The following EFCAB7 variants were observed in gnomAD, a reference collection of about 807,000 sequenced individuals.
EFCAB7 encodes EF-hand calcium binding domain 7, also known as EF-hand calcium-binding domain-containing protein 7.
In EFCAB7, 66 loss-of-function variants were observed where a neutral mutation model predicts 77.1. That is an observed-to-expected ratio of 0.86 (90% CI 0.70 to 1.05). EFCAB7 has a LOEUF of 1.05. Ranked by LOEUF, EFCAB7 falls within the 50% of genes least tolerant of loss-of-function variation. The probability of loss-of-function intolerance (pLI) is 0.00; values close to 1 mark genes in which losing one functional copy is unlikely to be tolerated. For missense variants in EFCAB7, 638 were observed against 730.5 expected (o/e 0.87, Z 1.46); for synonymous variants, 225 against 243.3 (o/e 0.92, Z 0.70).
At chr1:63,575,565 G>T (rs1470345550), downstream of EFCAB7, among the ~76,000 whole-genome samples, 2 of 152,026 alleles carry the variant, frequency 1.3e-5, no homozygotes, top group African/African-American at 2.4e-5. Flanking sequence ...GGACACTATG[G>T]CTATATGCAT....
chr1:63,568,238 A>T, intron 11 of EFCAB7, 72 bp from the exon 12 acceptor site: 2 of 1,311,482 alleles, frequency 1.5e-6, no homozygotes, highest in Non-Finnish European at 2.1e-6. Flanking sequence ...ATATCTTCTT[A>T]TATGGTAACA....
At chr1:63,584,352 C>G in the EFCAB7 span, among the ~76,000 whole-genome samples, 7 of 152,050 alleles carry the variant, frequency 4.6e-5, no homozygotes, top group African/African-American at 1.7e-4. Context: ...GACAGGAGTT[C>G]AAGATCAGCC....
the EFCAB7 span, among the ~76,000 whole-genome samples, chr1:63,578,853 TATAC>T: frequency 5.3e-5 from 8 of 152,304 alleles, no homozygotes; most frequent in South Asian, 1.7e-3. Flanking sequence ...CTGCCCTCAT[TATAC>T]ATAGTCTATC....
intron 5 of EFCAB7, 90 bp downstream of exon 5, chr1:63,533,739 T>G: frequency 2.0e-6 from 2 of 980,120 alleles, no homozygotes; most frequent in Non-Finnish European, 2.9e-6. Flanking sequence ...TTATCAGTGA[T>G]AAAACAAATG....
At chr1:63,581,578 T>A in the EFCAB7 span, among the ~76,000 whole-genome samples, 1 of 152,186 alleles carries the variant, frequency 6.6e-6, no homozygotes, top group African/African-American at 2.4e-5. Flanking sequence ...CACTTAATTG[T>A]GATATGTTAT....
chr1:63,524,997 A>T (rs1481858850), intron 1 of EFCAB7, among the ~76,000 whole-genome samples: 1 of 152,198 alleles, frequency 6.6e-6, no homozygotes, highest in African/African-American at 2.4e-5. Flanking sequence ...TGCATTATTG[A>T]GATGTTAATG....
intron 6 of EFCAB7, among the ~76,000 whole-genome samples, chr1:63,537,200 A>C (rs892510568): frequency 6.6e-6 from 1 of 152,214 alleles, no homozygotes; most frequent in African/African-American, 2.4e-5. Flanking sequence ...GTGATGGTCA[A>C]GGAATGTCAG....
chr1:63,572,923 G>A (rs1209905109), downstream of EFCAB7, among the ~76,000 whole-genome samples: 1 of 152,040 alleles, frequency 6.6e-6, no homozygotes, highest in Non-Finnish European at 1.5e-5. Context: ...CAGTGGGGGA[G>A]CTTTTGAGCC....
At chr1:63,577,655 A>T (rs1647462468), downstream of EFCAB7, among the ~76,000 whole-genome samples, 1 of 152,264 alleles carries the variant, frequency 6.6e-6, no homozygotes, top group Admixed American at 6.5e-5. Context: ...TGTATCTATT[A>T]CATATTAATT....
intron 2 of EFCAB7, among the ~76,000 whole-genome samples, chr1:63,527,001 G>A (rs1646603512): frequency 6.6e-6 from 1 of 152,236 alleles, no homozygotes; most frequent in Non-Finnish European, 1.5e-5. Context: ...CTGACCTCAG[G>A]TGATCTGCCT....
chr1:63,577,948 T>A, the EFCAB7 span, among the ~76,000 whole-genome samples: 1 of 152,170 alleles, frequency 6.6e-6, no homozygotes. Flanking sequence ...TCATGTAATA[T>A]AATGTATTTT....
intron 10 of EFCAB7, 56 bp from the exon 11 acceptor site, chr1:63,561,653 A>G: frequency 8.7e-7 from 1 of 1,146,198 alleles, no homozygotes; most frequent in African/African-American, 1.6e-5. Context: ...TAGACATTTT[A>G]TTAAAGTTAT....
intron 11 of EFCAB7, among the ~76,000 whole-genome samples, chr1:63,562,675 CTT>C (rs1208989157): frequency 3.6e-5 from 5 of 137,872 alleles, no homozygotes; most frequent in Non-Finnish European, 3.2e-5. Context: ...AATTTTTTAA[CTT>C]TTTTTTTTTT....
At chr1:63,567,641 C>G (rs1432944988) in intron 11 of EFCAB7, among the ~76,000 whole-genome samples, 1 of 151,878 alleles carries the variant, frequency 6.6e-6, no homozygotes, top group Non-Finnish European at 1.5e-5. Flanking sequence ...GATAATCTTC[C>G]CAGTGGAGAG....
intron 4 of EFCAB7, 87 bp downstream of exon 4, chr1:63,532,843 C>A: frequency 9.7e-7 from 1 of 1,027,414 alleles, no homozygotes; most frequent in Non-Finnish European, 1.5e-6. Context: ...GTATAATTGA[C>A]ATTACAGTGT....
At chr1:63,531,726 A>C (rs1226928993) in intron 2 of EFCAB7, 94 bp from the exon 3 acceptor site, 7 of 1,042,240 alleles carry the variant, frequency 6.7e-6, no homozygotes, top group African/African-American at 1.6e-5. Context: ...GTGTTTTGTA[A>C]ATATCATAAT....
At chr1:63,541,236 A>G (rs1646825312) in intron 6 of EFCAB7, among the ~76,000 whole-genome samples, 1 of 152,166 alleles carries the variant, frequency 6.6e-6, no homozygotes, top group Non-Finnish European at 1.5e-5. Context: ...TGCTTTATGT[A>G]CCCACACCTT....
chr1:63,576,956 G>A (rs1247472929), downstream of EFCAB7, among the ~76,000 whole-genome samples: 1 of 152,012 alleles, frequency 6.6e-6, no homozygotes, highest in Non-Finnish European at 1.5e-5. Context: ...GAACCAGCCT[G>A]GCCAATATGG....
chr1:63,582,509 C>A, the EFCAB7 span, among the ~76,000 whole-genome samples: 1 of 152,222 alleles, frequency 6.6e-6, no homozygotes, highest in East Asian at 1.9e-4. Context: ...ATTGGAAATG[C>A]AGCTTTTATG....
Sources: allele counts gnomAD v4.1 joint callset (sites outside exome capture counted in the v4.1 genomes callset), GRCh38; gene constraint gnomAD v4.1.1; transcripts MANE v1.5; gene names NCBI Gene and HGNC (gene_info 2026-07-23, HGNC 2026-07-21).